Variants in TTC28 observed in about 807,000 individuals in gnomAD.
TTC28 encodes the protein tetratricopeptide repeat protein 28.
A neutral mutation model predicts 198.0 loss-of-function variants in TTC28; 61 were observed. The observed-to-expected ratio is 0.31, with a 90% CI of 0.25 to 0.38. The LOEUF (loss-of-function observed/expected upper bound fraction) is 0.38, where lower values mean the gene tolerates loss of function less well. Among genes scored for constraint, TTC28 ranks in the 10% least tolerant of loss-of-function variants. The pLI, the probability that TTC28 is intolerant of heterozygous loss-of-function variation, is 1.00. For missense variants in TTC28, 2,678 were observed against 3,164.0 expected (o/e 0.85, Z 3.69); for synonymous variants, 1,171 against 1,297.8 (o/e 0.90, Z 2.10).
intron 2 of TTC28, among the ~76,000 whole-genome samples, chr22:28,384,055 G>C (rs764671634): frequency 1.3e-5 from 2 of 152,064 alleles, no homozygotes; most frequent in African/African-American, 2.4e-5. Context: ...ATCCCCTCCT[G>C]TGGGCTTTTA....
intron 2 of TTC28, among the ~76,000 whole-genome samples, chr22:28,581,174 G>A (rs764339636): frequency 4.9e-4 from 74 of 152,094 alleles, no homozygotes; most frequent in Middle Eastern, 3.4e-3. Flanking sequence ...GAGTACTCAC[G>A]AGATCTGGTT....
At chr22:28,337,824 C>G (rs920981042) in intron 2 of TTC28, among the ~76,000 whole-genome samples, 3 of 152,154 alleles carry the variant, frequency 2.0e-5, no homozygotes, top group Non-Finnish European at 2.9e-5. Context: ...TTAATTGGAG[C>G]ATTTAGCCCA....
intron 12 of TTC28, among the ~76,000 whole-genome samples, chr22:28,038,743 T>A (rs1939473823): frequency 6.6e-6 from 1 of 152,162 alleles, no homozygotes; most frequent in Admixed American, 6.5e-5. Flanking sequence ...ACCTACAGAA[T>A]GGGAGAAAAT....
chr22:28,661,286 GA>G (rs911075738), intron 1 of TTC28, among the ~76,000 whole-genome samples: 1 of 151,396 alleles, frequency 6.6e-6, no homozygotes, highest in Admixed American at 6.6e-5. Flanking sequence ...CTCCATCTCA[GA>G]AAAAAAACAA....
intron 2 of TTC28, among the ~76,000 whole-genome samples, chr22:28,459,099 C>A (rs1252231283): frequency 1.3e-5 from 2 of 151,830 alleles, no homozygotes; most frequent in Non-Finnish European, 2.9e-5. Flanking sequence ...GTTTTTCATT[C>A]CTACTCCAAA....
chr22:28,384,070 A>G (rs134528), intron 2 of TTC28, among the ~76,000 whole-genome samples: 149,117 of 152,292 alleles, frequency 0.98, 73,002 homozygotes, highest in East Asian at 0.99. Flanking sequence ...CTTTTACCCC[A>G]ATGGTCCCTC....
chr22:28,451,122 C>CA (rs1393141695), intron 2 of TTC28, among the ~76,000 whole-genome samples: 1 of 152,078 alleles, frequency 6.6e-6, no homozygotes, highest in Non-Finnish European at 1.5e-5. Flanking sequence ...ACTAAGTTGC[C>CA]AAAATATGGT....
At chr22:28,173,668 C>A (rs1184161700) in intron 5 of TTC28, among the ~76,000 whole-genome samples, 2 of 152,234 alleles carry the variant, frequency 1.3e-5, no homozygotes, top group African/African-American at 2.4e-5. Context: ...AAGTTAGATT[C>A]ATGGGACATA....
intron 5 of TTC28, among the ~76,000 whole-genome samples, chr22:28,286,762 A>G (rs951792885): frequency 1.3e-5 from 2 of 152,142 alleles, no homozygotes; most frequent in Non-Finnish European, 2.9e-5. Flanking sequence ...CCAGGGAAAA[A>G]TAAAATTTAA....
Position 28,629,519 on chromosome 22 carries a change from T to C in TTC28, c.381+33A>G, listed in dbSNP as rs1477089106. The C allele has an allele frequency of 3.3e-6, 5 of 1,510,746 alleles. No individual in the cohort carries two copies. The African/African-American group carries it at 4.2e-5, about 13-fold the overall frequency. 93.6% of individuals were successfully genotyped at this position (1,510,746 alleles called of 1,614,324 possible). A position where few individuals can be genotyped will look rare whatever the true frequency, so the allele number is the denominator to read the frequency against. On this transcript the variant is annotated intron_variant, in intron 2 of 22. Transcript: ENST00000397906. ...TAAGAAGCCAGGACAAAAGATTCTA[T>C]GAAAATAAATCTTCATAGGTAAAAA... is the stretch of plus-strand genomic sequence containing the variant.
intron 3 of TTC28, among the ~76,000 whole-genome samples, chr22:28,298,794 T>G (rs769602701): frequency 6.6e-6 from 1 of 152,162 alleles, no homozygotes; most frequent in African/African-American, 2.4e-5. Context: ...ACCCTGTCCA[T>G]ATTTTTTCCT....
At chr22:28,122,564 G>C (rs1321547292) in intron 6 of TTC28, among the ~76,000 whole-genome samples, 1 of 152,116 alleles carries the variant, frequency 6.6e-6, no homozygotes, top group African/African-American at 2.4e-5. Flanking sequence ...TTTTGCTGTT[G>C]TTAGTGGTTT....
chr22:28,640,355 T>C (rs1015251906), intron 1 of TTC28, among the ~76,000 whole-genome samples: 1 of 143,802 alleles, frequency 7.0e-6, no homozygotes, highest in Non-Finnish European at 1.5e-5. Flanking sequence ...CTAAGTAATA[T>C]ACCCAAGAGG....
At chr22:28,645,355 G>C (rs888667093) in intron 1 of TTC28, among the ~76,000 whole-genome samples, 3 of 151,272 alleles carry the variant, frequency 2.0e-5, no homozygotes, top group African/African-American at 7.3e-5. Context: ...TCAGGCCGGC[G>C]CGGTAGCTCA....
At chr22:28,454,141 C>A (rs1487452420) in intron 2 of TTC28, among the ~76,000 whole-genome samples, 2 of 152,084 alleles carry the variant, frequency 1.3e-5, no homozygotes, top group Non-Finnish European at 2.9e-5. Context: ...CAAAATTAAC[C>A]CGCCCCCCTA....
At chr22:28,567,983 A>T (rs1284745567) in intron 2 of TTC28, among the ~76,000 whole-genome samples, 1 of 152,218 alleles carries the variant, frequency 6.6e-6, no homozygotes, top group Non-Finnish European at 1.5e-5. Flanking sequence ...AACAATTTAA[A>T]AATGAATTTG....
chr22:28,100,998 C>G (rs955654732), intron 9 of TTC28, among the ~76,000 whole-genome samples, 173 bp downstream of exon 9: 6 of 152,294 alleles, frequency 3.9e-5, no homozygotes, highest in Non-Finnish European at 7.4e-5. Context: ...GAGCAAAAAT[C>G]TTTACTAATT....
intron 14 of TTC28, among the ~76,000 whole-genome samples, chr22:28,012,002 C>A (rs981733224): frequency 5.3e-5 from 8 of 152,176 alleles, no homozygotes; most frequent in Non-Finnish European, 1.0e-4. Context: ...CCTCAGAAGG[C>A]CCAAGTGGGT....
intron 2 of TTC28, among the ~76,000 whole-genome samples, chr22:28,529,251 C>G (rs199541734): frequency 6.6e-6 from 1 of 152,210 alleles, no homozygotes; most frequent in African/African-American, 2.4e-5. Context: ...AATGGCACAC[C>G]AGATTATATC....
Sources: gnomAD v4.1 joint callset for allele counts (sites outside exome capture counted in the v4.1 genomes callset) on GRCh38, gnomAD v4.1.1 for gene constraint, MANE v1.5 for transcripts, NCBI Gene and HGNC (gene_info 2026-07-23, HGNC 2026-07-21) for gene names.